Variants in ADCY7 observed in about 807,000 individuals in gnomAD.
ADCY7 encodes the protein adenylate cyclase type 7.
ADCY7 carries 72 observed loss-of-function variants against 120.6 expected under a neutral mutation model. The ratio of observed to expected loss-of-function variants is 0.60; its 90% confidence interval spans 0.49 to 0.73. The LOEUF is 0.73. Ranked by LOEUF, ADCY7 falls within the 30% of genes least tolerant of loss-of-function variation. ADCY7 has a pLI of 0.00. For synonymous variants in ADCY7, 661 were observed against 628.0 expected, an observed-to-expected ratio of 1.05 and a Z score of -0.78; for missense variants, 1,227 against 1,486.0, an observed-to-expected ratio of 0.83 and a Z score of 2.87.
At chr16:50,307,541 C>CT (rs1181710681) in intron 15 of ADCY7, among the ~76,000 whole-genome samples, 1 of 152,022 alleles carries the variant, frequency 6.6e-6, no homozygotes, top group African/African-American at 2.4e-5. Flanking sequence ...CCAAAACTCA[C>CT]TGAGATTCAT....
At chr16:50,312,781 G>C in intron 21 of ADCY7, 109 bp from the exon 22 acceptor site, 7 of 1,056,922 alleles carry the variant, frequency 6.6e-6, no homozygotes, top group South Asian at 5.4e-5. Flanking sequence ...CCCACTCCCC[G>C]AAAGCTGGGC....
At chr16:50,314,837 CCCT>C in intron 24 of ADCY7, 174 bp from the exon 25 acceptor site, 1 of 730,974 alleles carries the variant, frequency 1.4e-6, no homozygotes, top group Non-Finnish European at 2.2e-6. Context: ...CCGGGGAATG[CCCT>C]CCTCATACCC....
intron 1 of ADCY7, among the ~76,000 whole-genome samples, chr16:50,287,183 T>C (rs1270235106): frequency 6.6e-6 from 1 of 151,572 alleles, no homozygotes; most frequent in Non-Finnish European, 1.5e-5. Context: ...GTCCGGCTAA[T>C]TTTTGTATTT....
chr16:50,246,666 C>A (rs1389533920), intron 1 of ADCY7, among the ~76,000 whole-genome samples: 4 of 152,222 alleles, frequency 2.6e-5, no homozygotes, highest in African/African-American at 9.6e-5. Context: ...AGCGCTCCCG[C>A]CGGAGCCAGC....
upstream of ADCY7, among the ~76,000 whole-genome samples, chr16:50,265,001 T>C (rs1249228682): frequency 6.6e-6 from 1 of 152,036 alleles, no homozygotes; most frequent in African/African-American, 2.4e-5. Context: ...CACGCCTGGC[T>C]AATTTTTGTG....
upstream of ADCY7, among the ~76,000 whole-genome samples, chr16:50,262,197 CCTT>C (rs930807489): frequency 3.3e-5 from 5 of 152,032 alleles, no homozygotes; most frequent in African/African-American, 1.2e-4. Context: ...GGTAGGAAGT[CCTT>C]CTCCCCTAAA....
At position 50,292,807 on chromosome 16, in the gene ADCY7, C is replaced by T; in HGVS notation, c.669C>T (p.Arg223=). ...GCATCCAGATCCGCCGGAAGCTGCG[C>T]ATCGAGAAGCGCCAGCAGGTGGGAC... ...VKCIQIRRKL[R]IEKRQQENLL... The change falls in exon 5 of 26, where the codon CGC becomes CGT. Residue 223 remains arginine (R), a synonymous_variant. Coordinates refer to ENST00000673801, the MANE Select transcript of ADCY7 (RefSeq NM_001114.5). The T allele has an allele frequency of 6.2e-7, 1 of 1,613,626 alleles. No homozygotes were observed. Among genetic ancestry groups the T allele is most frequent in the Non-Finnish European group, 8.5e-7 (1 of 1,179,946 alleles).
chr16:50,276,679 T>G (rs758914116), intron 1 of ADCY7, among the ~76,000 whole-genome samples: 4 of 152,180 alleles, frequency 2.6e-5, no homozygotes, highest in Non-Finnish European at 5.9e-5. Flanking sequence ...TGCTGCAGCC[T>G]TAACCTGAAC....
rs1326309871 is a variant in ADCY7, at chr16:50,315,437, A to G, written c.3175A>G (p.Lys1059Glu). Residue 1059 changes from lysine (K) to glutamate (E), a missense_variant, in exon 26 of 26, where the codon AAA (lysine) becomes GAA (glutamate). Around this residue, in one of 5 missense-constraint regions of ADCY7, gnomAD observed 244 missense variants for 332.8 expected, o/e 0.73. Coordinates refer to ENST00000673801, the MANE Select transcript of ADCY7 (RefSeq NM_001114.5). ...ECRGLINVKGKGELRTYFVCT... is the reference protein window; with the variant it reads ...ECRGLINVKGEGELRTYFVCT... ...CCGTGGCCTGATCAACGTCAAAGGCAAAGGCGAGCTGAGGACTTACTTTGT... is the reference window on the plus strand; with the variant it reads ...CCGTGGCCTGATCAACGTCAAAGGCGAAGGCGAGCTGAGGACTTACTTTGT... 6.2e-7 allele frequency: 1 copy of G among 1,614,076 alleles called. No homozygotes were observed. The highest frequency in any genetic ancestry group is 8.5e-7 in the Non-Finnish European group (1 of 1,180,016).
intron 22 of ADCY7, 172 bp downstream of exon 22, chr16:50,313,208 G>A: frequency 2.5e-6 from 2 of 786,762 alleles, no homozygotes; most frequent in Non-Finnish European, 3.8e-6. Flanking sequence ...CTTGAGGCTA[G>A]GAGTTCGAGA....
intron 1 of ADCY7, among the ~76,000 whole-genome samples, chr16:50,261,375 A>G (rs1469299918): frequency 6.6e-6 from 1 of 152,186 alleles, no homozygotes; most frequent in East Asian, 1.9e-4. Flanking sequence ...TGGAAGAGTC[A>G]GGCAGCTGGG....
intron 24 of ADCY7, 100 bp downstream of exon 24, chr16:50,314,506 T>C: frequency 1.2e-6 from 1 of 827,214 alleles, no homozygotes. Flanking sequence ...TTATGAAAGG[T>C]TTTAGAAATC....
In ADCY7 at chr16:50,317,858, A is replaced by C. The variant is rs966135197; in HGVS notation, c.*2353A>C. 9 of 152,250 alleles carry C rather than the reference A, an allele frequency of 5.9e-5. No individual in the cohort carries two copies. Among genetic ancestry groups the C allele is most frequent in the African/African-American group, 1.9e-4 (8 of 41,416 alleles). The allele number at this position is 152,250 out of a possible 1,614,324, so 9.4% of individuals were successfully genotyped here. On this transcript the variant is annotated 3_prime_UTR_variant, in exon 26 of 26. Coordinates refer to ENST00000673801, the MANE Select transcript of ADCY7 (RefSeq NM_001114.5). Reference sequence around the variant, plus strand: ...TCCTGAGTTAACTTTTGTGAAAATAATACCTAAGGTTTTCTGGCTTATTGA... The same window carrying C: ...TCCTGAGTTAACTTTTGTGAAAATACTACCTAAGGTTTTCTGGCTTATTGA...
chr16:50,314,884 C>T (rs1485013848), intron 24 of ADCY7, 130 bp from the exon 25 acceptor site: 4 of 1,321,458 alleles, frequency 3.0e-6, no homozygotes, highest in Non-Finnish European at 4.2e-6. Context: ...CTCTGGGAAG[C>T]AACCCAGCCT....
chr16:50,307,054 G>T lies in ADCY7; in HGVS notation c.1757G>T (p.Arg586Leu). ...CACAGTCCCTGCTGCCCCCAGTACCGCCTGGCACCCATCCCCCGGGCCCGC... is the reference window on the plus strand; with the variant it reads ...CACAGTCCCTGCTGCCCCCAGTACCTCCTGGCACCCATCCCCCGGGCCCGC... ...FLEKGFEREYRLAPIPRARHD... is the reference protein window; with the variant it reads ...FLEKGFEREYLLAPIPRARHD... Residue 586 changes from arginine to leucine, a missense_variant, in exon 15 of 26, where the codon CGC becomes CTC. Transcript: ENST00000673801. The T allele has an allele frequency of 6.2e-7, 1 of 1,607,248 alleles. No individual in the cohort carries two copies.
intron 1 of ADCY7, among the ~76,000 whole-genome samples, chr16:50,260,241 G>A (rs573151318): frequency 6.6e-6 from 1 of 152,218 alleles, no homozygotes; most frequent in African/African-American, 2.4e-5. Flanking sequence ...CTGGGGAGAG[G>A]TGGTCCTTGC....
chr16:50,304,224 C>T, intron 10 of ADCY7, 136 bp from the exon 11 acceptor site: 1 of 931,542 alleles, frequency 1.1e-6, no homozygotes, highest in Non-Finnish European at 1.5e-6. Flanking sequence ...GCGGGTTGAG[C>T]AACTTCTTTG....
intron 3 of ADCY7, among the ~76,000 whole-genome samples, chr16:50,291,037 G>T (rs562258079): frequency 6.6e-6 from 1 of 152,248 alleles, no homozygotes; most frequent in African/African-American, 2.4e-5. Context: ...CCCCAGGTGG[G>T]GGCAGAGAAG....
chr16:50,248,820 G>T (rs1280229119), intron 1 of ADCY7, among the ~76,000 whole-genome samples: 1 of 152,196 alleles, frequency 6.6e-6, no homozygotes, highest in Non-Finnish European at 1.5e-5. Context: ...GAGGTTCCAG[G>T]ATTTTGAGGT....
Sources: gnomAD v4.1 joint callset for allele counts (sites outside exome capture counted in the v4.1 genomes callset) on GRCh38, gnomAD v4.1.1 for gene constraint, gnomAD v4.1.1 regional missense constraint, MANE v1.5 for transcripts, NCBI Gene and HGNC (gene_info 2026-07-23, HGNC 2026-07-21) for gene names.